The following VAPB variants were observed in gnomAD, a reference collection of about 807,000 sequenced individuals.
VAPB encodes VAMP associated protein B and C.
In VAPB, 7 loss-of-function variants were observed where a neutral mutation model predicts 25.6. The observed-to-expected ratio is 0.27, with a 90% CI of 0.16 to 0.51. VAPB has a LOEUF of 0.51. Among genes scored for constraint, VAPB ranks in the 20% least tolerant of loss-of-function variants. The pLI is 0.97. For synonymous variants in VAPB, 112 were observed against 109.2 expected, an observed-to-expected ratio of 1.03 and a Z score of -0.16; for missense variants, 266 against 301.3, an observed-to-expected ratio of 0.88 and a Z score of 0.87.
rs776321343 is a variant in VAPB, at chr20:58,418,187, A to G, written c.59-24A>G. 9.9e-6 allele frequency: 16 copies of G among 1,613,816 alleles called. No homozygotes were observed. In the Admixed American group the frequency reaches 1.3e-4, roughly 13 times the overall value. On this transcript the variant is annotated intron_variant, in intron 1 of 5. Coordinates refer to ENST00000475243, the MANE Select transcript of VAPB (RefSeq NM_004738.5). ...CTAAACTTTCCTCATGAGACCCCCA[A>G]TCAGTCTCTGTCTCATTCTACAGGT...
At chr20:58,407,391 C>A (rs914651197) in intron 1 of VAPB, among the ~76,000 whole-genome samples, 3 of 152,126 alleles carry the variant, frequency 2.0e-5, no homozygotes, top group Admixed American at 2.0e-4. Flanking sequence ...TTTTCAACAA[C>A]TTTACAAGTC....
At chr20:58,404,816 T>C (rs1568701236) in intron 1 of VAPB, among the ~76,000 whole-genome samples, 1 of 152,186 alleles carries the variant, frequency 6.6e-6, no homozygotes, top group Non-Finnish European at 1.5e-5. Flanking sequence ...AAGATTGTTC[T>C]GTGTATTCTG....
chr20:58,407,658 T>G (rs1255212364), intron 1 of VAPB, among the ~76,000 whole-genome samples: 2 of 152,110 alleles, frequency 1.3e-5, no homozygotes, highest in Admixed American at 1.3e-4. Context: ...CCTCCTTTTT[T>G]TTTTGTTTTT....
rs190652187 is a variant in VAPB, at chr20:58,448,307, C to T, written c.*4072C>T. On this transcript the variant is annotated 3_prime_UTR_variant, in exon 6 of 6. Transcript: ENST00000475243. Reference sequence around the variant, plus strand: ...CCCTACGCGAATTGAGTTTCTGTGGCCTAATTGGATTTGGAGAACGCCTTC... The same window carrying T: ...CCCTACGCGAATTGAGTTTCTGTGGTCTAATTGGATTTGGAGAACGCCTTC... 6.5e-4 allele frequency: 294 copies of T among 453,582 alleles called. No homozygotes were observed. The highest frequency in any genetic ancestry group is 4.9e-3 in the African/African-American group (245 of 50,066). 28.1% of individuals were successfully genotyped at this position (453,582 alleles called of 1,614,324 possible).
At chr20:58,413,818 G>C (rs1377219422) in intron 1 of VAPB, among the ~76,000 whole-genome samples, 4 of 139,276 alleles carry the variant, frequency 2.9e-5, no homozygotes, top group Admixed American at 1.4e-4. Context: ...CTGGCCGGGC[G>C]GGGGGCTGAC....
In VAPB at chr20:58,445,884, T is replaced by C. The variant is rs1989279391; in HGVS notation, c.*1649T>C. On this transcript the variant is annotated 3_prime_UTR_variant, in exon 6 of 6. Transcript: ENST00000475243. The stretch of plus-strand genomic sequence containing the variant: ...CCATTGAGACTAGTAACGGGCGTTC[T>C]GGGCACAGTCCCACTGTGCACAGGT... The C allele has an allele frequency of 2.2e-6, 1 of 453,932 alleles. No homozygotes were observed. Among genetic ancestry groups the C allele is most frequent in the African/African-American group, 2.0e-5 (1 of 49,982 alleles). 28.1% of individuals were successfully genotyped at this position (453,932 alleles called of 1,614,324 possible). A position where few individuals can be genotyped will look rare whatever the true frequency, so the allele number is the denominator to read the frequency against.
intron 2 of VAPB, among the ~76,000 whole-genome samples, chr20:58,425,001 A>G (rs1485188260): frequency 6.6e-6 from 1 of 152,254 alleles, no homozygotes; most frequent in African/African-American, 2.4e-5. Context: ...CCTAAAGGAT[A>G]TAATAAATTT....
intron 3 of VAPB, among the ~76,000 whole-genome samples, chr20:58,435,955 TCTTC>T (rs917756804): frequency 2.0e-5 from 3 of 152,174 alleles, no homozygotes; most frequent in Admixed American, 2.0e-4. Flanking sequence ...CGAGCTGAGT[TCTTC>T]CTTTTACTGA....
chr20:58,422,205 G>A (rs1988683269), intron 2 of VAPB, among the ~76,000 whole-genome samples: 1 of 152,170 alleles, frequency 6.6e-6, no homozygotes. Context: ...CCCCTTCTGA[G>A]GTTTGTGCTT....
At chr20:58,435,614 A>G (rs1330271436) in intron 3 of VAPB, among the ~76,000 whole-genome samples, 3 of 152,208 alleles carry the variant, frequency 2.0e-5, no homozygotes, top group Non-Finnish European at 4.4e-5. Context: ...ACTCAGGCCA[A>G]GACCACCCCA....
chr20:58,435,297 A>G (rs1271389041), intron 3 of VAPB, among the ~76,000 whole-genome samples: 1 of 152,182 alleles, frequency 6.6e-6, no homozygotes, highest in East Asian at 1.9e-4. Context: ...AAAAAAAAAA[A>G]AGAGTATAAT....
intron 2 of VAPB, among the ~76,000 whole-genome samples, chr20:58,419,085 C>T (rs1329088110): frequency 6.6e-6 from 1 of 152,190 alleles, no homozygotes; most frequent in East Asian, 1.9e-4. Context: ...ATTAGAACTT[C>T]TCCATCCAAG....
At position 58,449,443 on chromosome 20, in the gene VAPB, A is replaced by AT. The variant is rs774039526; in HGVS notation, c.*5217dup. The AT allele has an allele frequency of 2.1e-4, 95 of 448,924 alleles. No individual in the cohort carries two copies. Among genetic ancestry groups the AT allele is most frequent in the South Asian group, 9.2e-4 (58 of 63,004 alleles). 27.8% of individuals were successfully genotyped at this position (448,924 alleles called of 1,614,324 possible). ...GTCTTCATGAATATAATTACTTGAG[A>AT]TTTTTTTTTCTTAATGGAATTAGTT... On this transcript the variant is annotated 3_prime_UTR_variant, in exon 6 of 6. Transcript: ENST00000475243.
chr20:58,406,659 C>A (rs1172150739), intron 1 of VAPB, among the ~76,000 whole-genome samples: 1 of 152,196 alleles, frequency 6.6e-6, no homozygotes, highest in Non-Finnish European at 1.5e-5. Context: ...TTTTCACATG[C>A]TGTCATCTCC....
At chr20:58,420,086 A>G (rs11698048) in intron 2 of VAPB, among the ~76,000 whole-genome samples, 26,396 of 152,064 alleles carry the variant, frequency 0.17, 2,394 homozygotes, top group Non-Finnish European at 0.21. Context: ...CCCAGATTCA[A>G]GCAATTCTCT....
intron 3 of VAPB, among the ~76,000 whole-genome samples, chr20:58,435,067 C>T (rs1048867770): frequency 1.3e-5 from 2 of 152,096 alleles, no homozygotes; most frequent in Non-Finnish European, 2.9e-5. Flanking sequence ...CTTTTTCTTA[C>T]TTGTCTTCTC....
chr20:58,423,326 C>T (rs1988706706), intron 2 of VAPB, among the ~76,000 whole-genome samples: 1 of 138,240 alleles, frequency 7.2e-6, no homozygotes, highest in South Asian at 2.4e-4. Context: ...GCAGGAGAAT[C>T]ACTTGAGCCT....
chr20:58,442,820 G>C (rs1286024647), intron 5 of VAPB, among the ~76,000 whole-genome samples: 1 of 152,192 alleles, frequency 6.6e-6, no homozygotes, highest in African/African-American at 2.4e-5. Context: ...CAGCTCCATG[G>C]GACTCATCTG....
In VAPB at chr20:58,449,286, C is replaced by T. The variant is rs1989376464; in HGVS notation, c.*5051C>T. ...CTCCATGCCATGTTTTTGGCTGTAT[C>T]TACGGCACTTAACAATAGGGGCTTT... is the stretch of plus-strand genomic sequence containing the variant. On this transcript the variant is annotated 3_prime_UTR_variant, in exon 6 of 6. Transcript: ENST00000475243. 2.2e-6 allele frequency: 1 copy of T among 453,000 alleles called. No individual in the cohort carries two copies. The highest frequency in any genetic ancestry group is 2.0e-5 in the African/African-American group (1 of 49,934). The allele number at this position is 453,000 out of a possible 1,614,324, so 28.1% of individuals were successfully genotyped here.
Sources: allele counts gnomAD v4.1 joint callset (sites outside exome capture counted in the v4.1 genomes callset), GRCh38; gene constraint gnomAD v4.1.1; transcripts MANE v1.5; gene names NCBI Gene and HGNC (gene_info 2026-07-23, HGNC 2026-07-21).